Variants in ADGRL3 observed in about 807,000 individuals in gnomAD.
ADGRL3 encodes the protein calcium-independent alpha-latrotoxin receptor 3.
ADGRL3 carries 62 observed loss-of-function variants against 153.5 expected under a neutral mutation model. That is an observed-to-expected ratio of 0.40 (90% CI 0.33 to 0.50). The LOEUF (loss-of-function observed/expected upper bound fraction) is 0.50, where lower values mean the gene tolerates loss of function less well. ADGRL3 is among the 20% of genes least tolerant of loss of function. ADGRL3 has a pLI of 0.47. For missense variants in ADGRL3, 1,641 were observed against 1,859.4 expected (o/e 0.88, Z 2.16); for synonymous variants, 710 against 672.5 (o/e 1.06, Z -0.86).
chr4:61,367,010 G>A (rs1375049177), intron 1 of ADGRL3, among the ~76,000 whole-genome samples: 1 of 152,074 alleles, frequency 6.6e-6, no homozygotes, highest in Non-Finnish European at 1.5e-5. Context: ...GAAAATGATT[G>A]TAAACAATGT....
At chr4:61,235,788 T>A (rs545021238) in intron 1 of ADGRL3, among the ~76,000 whole-genome samples, 1 of 152,280 alleles carries the variant, frequency 6.6e-6, no homozygotes, top group East Asian at 1.9e-4. Context: ...TTTCCATGTT[T>A]GTTTGACTTC....
At chr4:61,775,387 C>CTT (rs987898374) in intron 8 of ADGRL3, 1 of 458,466 alleles carries the variant, frequency 2.2e-6, no homozygotes, top group Non-Finnish European at 4.0e-6. Flanking sequence ...CTAAAATTTT[C>CTT]TTTTTTTTCT....
At chr4:61,782,493 C>T (rs1310173207) in intron 8 of ADGRL3, among the ~76,000 whole-genome samples, 1 of 152,078 alleles carries the variant, frequency 6.6e-6, no homozygotes, top group African/African-American at 2.4e-5. Flanking sequence ...TAGTCATCCA[C>T]AGATAAACAT....
intron 1 of ADGRL3, among the ~76,000 whole-genome samples, chr4:61,348,978 G>T (rs940395121): frequency 6.6e-6 from 1 of 151,958 alleles, no homozygotes; most frequent in African/African-American, 2.4e-5. Context: ...GAGTTTTTTG[G>T]TGTATTTTCA....
chr4:61,963,614 A>G (rs1024590988), intron 17 of ADGRL3, among the ~76,000 whole-genome samples: 3 of 152,168 alleles, frequency 2.0e-5, no homozygotes, highest in Non-Finnish European at 2.9e-5. Context: ...ATGGCTGCAT[A>G]GTATTTTATA....
chr4:61,444,534 G>A lies in ADGRL3; in HGVS notation c.-173-52587G>A, dbSNP rs1010697033. 2.6e-5 allele frequency among the ~76,000 whole-genome samples: 4 copies of A among 151,920 alleles called. No homozygotes were observed. The South Asian group carries it at 8.3e-4, about 32-fold the overall frequency. ...TTTTGATGCACCAAAACCACTTTGTGGTCAAGTTATATCCTTTATCATCCA... is the reference window on the plus strand; with the variant it reads ...TTTTGATGCACCAAAACCACTTTGTAGTCAAGTTATATCCTTTATCATCCA... On this transcript the variant is annotated intron_variant, in intron 2 of 26. Coordinates refer to ENST00000683033, the MANE Select transcript of ADGRL3 (RefSeq NM_001387552.1).
At chr4:61,768,425 G>T (rs956394028) in intron 8 of ADGRL3, among the ~76,000 whole-genome samples, 6 of 152,050 alleles carry the variant, frequency 3.9e-5, no homozygotes, top group Non-Finnish European at 5.9e-5. Flanking sequence ...GGACAGGAGG[G>T]AGGGAAAGAA....
intron 5 of ADGRL3, among the ~76,000 whole-genome samples, chr4:61,651,284 A>ATAAAGGTACACCATAAATATAAGTC (rs2094239198): frequency 6.6e-6 from 1 of 152,216 alleles, no homozygotes; most frequent in Non-Finnish European, 1.5e-5. Flanking sequence ...AGAAAAGCGA[A>ATAAAGGTACACCATAAATATAAGTC]TAAAGGTACA....
chr4:61,731,083 T>A (rs1479874523), intron 7 of ADGRL3, among the ~76,000 whole-genome samples: 1 of 152,010 alleles, frequency 6.6e-6, no homozygotes, highest in Non-Finnish European at 1.5e-5. Flanking sequence ...AAAGCTTATA[T>A]ACAATTTTGA....
rs1007744000 is a variant in ADGRL3 at position 61,223,599 on chromosome 4, C to T, written c.-240+21834C>T. ...TAAGTCAACATCGTGGGCGTTTTGC[C>T]CACACACTATGGGGTAACAACCTAT... On this transcript the variant is annotated intron_variant, in intron 1 of 26. Transcript: ENST00000683033. Among the ~76,000 whole-genome samples the T allele has an allele frequency of 3.3e-5, 5 of 152,242 alleles. No individual in the cohort carries two copies. The East Asian group carries it at 9.7e-4, about 29-fold the overall frequency.
chr4:61,960,781 G>T (rs1411289963), intron 17 of ADGRL3, among the ~76,000 whole-genome samples: 1 of 152,020 alleles, frequency 6.6e-6, no homozygotes, highest in African/African-American at 2.4e-5. Context: ...CACAATCTCG[G>T]CTCACTGCAA....
At chr4:61,646,974 C>G (rs915854892) in intron 5 of ADGRL3, among the ~76,000 whole-genome samples, 1 of 152,208 alleles carries the variant, frequency 6.6e-6, no homozygotes, top group Non-Finnish European at 1.5e-5. Flanking sequence ...GATATAATCT[C>G]CTGGTGCGCC....
chr4:61,507,502 G>T (rs2098438161), intron 3 of ADGRL3, among the ~76,000 whole-genome samples: 1 of 152,146 alleles, frequency 6.6e-6, no homozygotes, highest in South Asian at 2.1e-4. Flanking sequence ...TAACATATTT[G>T]CTGTCTTGTT....
chr4:61,417,091 A>G (rs2097152106), intron 2 of ADGRL3, among the ~76,000 whole-genome samples: 1 of 152,060 alleles, frequency 6.6e-6, no homozygotes, highest in Non-Finnish European at 1.5e-5. Context: ...GGCAGATCCT[A>G]GGTGGTAATG....
chr4:62,003,120 G>T (rs909207820), intron 21 of ADGRL3, among the ~76,000 whole-genome samples: 1 of 152,078 alleles, frequency 6.6e-6, no homozygotes, highest in Non-Finnish European at 1.5e-5. Context: ...ACGTAGAAAA[G>T]AACATTGGTG....
In ADGRL3 at chr4:61,877,292, A is replaced by G. The variant is rs553331723; in HGVS notation, c.1481-15364A>G. Among the ~76,000 whole-genome samples the G allele has an allele frequency of 7.2e-5, 11 of 152,316 alleles. No homozygotes were observed. The South Asian group carries it at 1.4e-3, about 20-fold the overall frequency. ...ATGCTTAGTGAAAAAGTCTACCTCA[A>G]TGGTTCCCTGCTGTATGATTTCATT... On this transcript the variant is annotated intron_variant, in intron 9 of 26. Transcript: ENST00000683033.
At chr4:61,428,876 TC>T (rs10711324) in intron 2 of ADGRL3, among the ~76,000 whole-genome samples, 2,473 of 117,942 alleles carry the variant, frequency 0.021, 21 homozygotes, top group South Asian at 0.035. Context: ...TCTATCTATA[TC>T]ATCTATCTAT....
intron 1 of ADGRL3, among the ~76,000 whole-genome samples, chr4:61,252,009 G>C (rs75662210): frequency 0.23 from 34,737 of 151,234 alleles, 4,208 homozygotes; most frequent in African/African-American, 0.32. Flanking sequence ...TCAGCCTCCC[G>C]AGTGGCTGGG....
intron 21 of ADGRL3, among the ~76,000 whole-genome samples, chr4:62,008,110 A>C (rs895970316): frequency 6.6e-6 from 1 of 152,086 alleles, no homozygotes; most frequent in African/African-American, 2.4e-5. Context: ...AGTGGGGTGA[A>C]GGGAGAATGG....
Sources: allele counts gnomAD v4.1 joint callset (sites outside exome capture counted in the v4.1 genomes callset), GRCh38; gene constraint gnomAD v4.1.1; transcripts MANE v1.5; gene names NCBI Gene and HGNC (gene_info 2026-07-23, HGNC 2026-07-21).